Variants in SPATA13 observed in about 807,000 individuals in gnomAD.
SPATA13 encodes spermatogenesis-associated protein 13.
Under a neutral mutation model 104.0 loss-of-function variants are expected in SPATA13, and 50 were observed. That is an observed-to-expected ratio of 0.48 (90% confidence interval 0.38 to 0.61). The LOEUF (loss-of-function observed/expected upper bound fraction) is 0.61, where lower values mean the gene tolerates loss of function less well. SPATA13 is among the 20% of genes least tolerant of loss of function. The pLI, the probability that SPATA13 is intolerant of heterozygous loss-of-function variation, is 0.00. For missense variants in SPATA13, 1,524 were observed against 1,690.6 expected (o/e 0.90, Z 1.73); for synonymous variants, 606 against 667.5 (o/e 0.91, Z 1.42).
At chr13:24,090,806 T>C (rs1879884865) in intron 3 of SPATA13, among the ~76,000 whole-genome samples, 1 of 152,274 alleles carries the variant, frequency 6.6e-6, no homozygotes, top group African/African-American at 2.4e-5. Flanking sequence ...TTCTATTGAC[T>C]GCTTTATTTC....
At chr13:24,277,210 C>T (rs546852508) in intron 4 of SPATA13, among the ~76,000 whole-genome samples, 4 of 152,040 alleles carry the variant, frequency 2.6e-5, no homozygotes, top group Non-Finnish European at 5.9e-5. Flanking sequence ...TTTGGGAGGC[C>T]GAGGCGGGCG....
intron 3 of SPATA13, among the ~76,000 whole-genome samples, chr13:24,042,668 G>A (rs1427883510): frequency 6.6e-6 from 1 of 152,204 alleles, no homozygotes; most frequent in Non-Finnish European, 1.5e-5. Context: ...AACTCAAAGG[G>A]GAGAGCTTCT....
Position 24,294,243 on chromosome 13 carries a change from C to T in SPATA13, c.3081-496C>T, listed in dbSNP as rs553830196. Among the ~76,000 whole-genome samples the T allele has an allele frequency of 3.3e-5, 5 of 152,282 alleles. No individual in the cohort carries two copies. In the East Asian group the frequency reaches 7.7e-4, roughly 24 times the overall value. On this transcript the variant is annotated intron_variant, in intron 9 of 12. Transcript: ENST00000382108. Reference sequence around the variant, plus strand: ...GAGGCGAATGCCATACTGGCATTTCCGTAACTCACCACTTCAGGTGCCTGT... The same window carrying T: ...GAGGCGAATGCCATACTGGCATTTCTGTAACTCACCACTTCAGGTGCCTGT...
rs1874360340 is a variant in SPATA13, at chr13:24,267,679, C to A, written c.2164+15817C>A. Among the ~76,000 whole-genome samples the A allele has an allele frequency of 3.3e-5, 5 of 152,288 alleles. No homozygotes were observed. The South Asian group carries it at 8.3e-4, about 25-fold the overall frequency. ...TATTTGCCTCCTTCTGGAATTTAGG[C>A]TTTGTTGGAATGGATAACCTTGAGA... On this transcript the variant is annotated intron_variant, in intron 4 of 12. Coordinates refer to ENST00000382108, the MANE Select transcript of SPATA13 (RefSeq NM_001166271.3).
At chr13:24,214,762 C>T (rs942441516) in intron 1 of SPATA13, among the ~76,000 whole-genome samples, 5 of 152,206 alleles carry the variant, frequency 3.3e-5, no homozygotes, top group Admixed American at 1.3e-4. Context: ...TTCCCATTTG[C>T]TTCTGCCTTG....
At chr13:24,113,413 G>A (rs1431071076) in intron 3 of SPATA13, among the ~76,000 whole-genome samples, 1 of 152,054 alleles carries the variant, frequency 6.6e-6, no homozygotes, top group Middle Eastern at 3.2e-3. Context: ...GACCAGCCTG[G>A]CCAACATGGA....
At chr13:24,062,505 G>C (rs548502820) in intron 3 of SPATA13, among the ~76,000 whole-genome samples, 10 of 152,312 alleles carry the variant, frequency 6.6e-5, no homozygotes, top group African/African-American at 2.4e-4. Flanking sequence ...AGGGCTCTGT[G>C]AACCTGGGTC....
At chr13:24,169,348 T>TA (rs2138502108) in intron 1 of SPATA13, among the ~76,000 whole-genome samples, 1 of 152,346 alleles carries the variant, frequency 6.6e-6, no homozygotes, top group African/African-American at 2.4e-5. Context: ...GGCCTCACTG[T>TA]AGATTAAACA....
chr13:24,174,497 A>G lies in SPATA13; in HGVS notation c.-112+13565A>G, dbSNP rs1016891952. ...TTTCCCTCACAGCACTGCTTTCGCT[A>G]TATTCCACACATTTTTATGTGTTGC... On this transcript the variant is annotated intron_variant, in intron 1 of 12. Coordinates refer to ENST00000382108, the MANE Select transcript of SPATA13 (RefSeq NM_001166271.3). 4.9e-4 allele frequency among the ~76,000 whole-genome samples: 75 copies of G among 152,126 alleles called. 1 individual carries two copies. The highest frequency in any genetic ancestry group is 1.6e-3 in the African/African-American group (66 of 41,516).
At chr13:24,145,976 A>G (rs1212366724) in intron 3 of SPATA13, among the ~76,000 whole-genome samples, 1 of 152,196 alleles carries the variant, frequency 6.6e-6, no homozygotes, top group African/African-American at 2.4e-5. Context: ...TGCGGGGGCC[A>G]ATCTGTCTGC....
chr13:24,230,905 G>C (rs1238569518), intron 2 of SPATA13, among the ~76,000 whole-genome samples: 2 of 152,170 alleles, frequency 1.3e-5, no homozygotes, highest in African/African-American at 4.8e-5. Context: ...GACTCAGAGG[G>C]ACATTCCGTG....
chr13:24,265,421 G>A (rs1210142053), intron 4 of SPATA13, among the ~76,000 whole-genome samples: 1 of 152,158 alleles, frequency 6.6e-6, no homozygotes, highest in African/African-American at 2.4e-5. Flanking sequence ...GTCACTCTCG[G>A]CACTCGATGA....
At position 24,223,415 on chromosome 13, in the gene SPATA13, C is replaced by T. The variant is rs1405704633; in HGVS notation, c.486C>T (p.Ser162=). The T allele has an allele frequency of 6.4e-7, 1 of 1,551,162 alleles. No individual in the cohort carries two copies. Among genetic ancestry groups the T allele is most frequent in the Non-Finnish European group, 8.7e-7 (1 of 1,146,990 alleles). Residue 162 remains serine, a synonymous_variant, in exon 2 of 13, where the codon TCC becomes TCT. Coordinates refer to ENST00000382108, the MANE Select transcript of SPATA13 (RefSeq NM_001166271.3). ...CAGGAGCCCAGGCAAGCAGGGGCTC[C>T]CCCTTAGCACCGGGACCAGCATGTG... ...AVPGAQASRG[S]PLAPGPACGA...
intron 3 of SPATA13, among the ~76,000 whole-genome samples, chr13:24,018,651 T>C (rs17079755): frequency 0.038 from 5,856 of 152,326 alleles, 359 homozygotes; most frequent in African/African-American, 0.13. Flanking sequence ...TTTGATGTTT[T>C]AGCAGAGGGT....
intron 3 of SPATA13, among the ~76,000 whole-genome samples, chr13:24,152,403 G>A (rs1175172318): frequency 1.3e-5 from 2 of 152,218 alleles, no homozygotes; most frequent in East Asian, 3.8e-4. Context: ...TCAAGGACAT[G>A]GCCACTTTCC....
chr13:23,987,867 T>C (rs1409086118), intron 2 of SPATA13, among the ~76,000 whole-genome samples: 3 of 152,208 alleles, frequency 2.0e-5, no homozygotes, highest in Non-Finnish European at 4.4e-5. Flanking sequence ...TATTTGCCCT[T>C]TAGTATCTGG....
upstream of SPATA13, among the ~76,000 whole-genome samples, chr13:24,158,048 A>T (rs1037805909): frequency 3.3e-5 from 5 of 152,344 alleles, no homozygotes; most frequent in Non-Finnish European, 5.9e-5. Flanking sequence ...TGGAGATGTT[A>T]TGTGGAACAA....
upstream of SPATA13, chr13:24,160,590 G>A (rs1328090924): frequency 2.0e-5 from 8 of 393,686 alleles, no homozygotes; most frequent in South Asian, 4.1e-4. Context: ...GGTTGGTAGT[G>A]TGGGGGCGTG....
intron 4 of SPATA13, among the ~76,000 whole-genome samples, chr13:24,267,343 CTTTG>C (rs1264055640): frequency 6.6e-6 from 1 of 152,140 alleles, no homozygotes; most frequent in African/African-American, 2.4e-5. Flanking sequence ...TCAAGGCAGT[CTTTG>C]TTTATTTACT....
Sources: gnomAD v4.1 joint callset for allele counts (sites outside exome capture counted in the v4.1 genomes callset) on GRCh38, gnomAD v4.1.1 for gene constraint, MANE v1.5 for transcripts, NCBI Gene and HGNC (gene_info 2026-07-23, HGNC 2026-07-21) for gene names.